Variants in MGAT5 observed in about 807,000 individuals in gnomAD.
MGAT5 encodes alpha-1,6-mannosylglycoprotein 6-beta-N-acetylglucosaminyltransferase A.
In MGAT5, 30 loss-of-function variants were observed where a neutral mutation model predicts 94.3. That is an observed-to-expected ratio of 0.32 (90% CI 0.24 to 0.43). The LOEUF is 0.43. Ranked by LOEUF, MGAT5 falls within the 20% of genes least tolerant of loss-of-function variation. The pLI, the probability that MGAT5 is intolerant of heterozygous loss-of-function variation, is 1.00. For missense variants in MGAT5, 691 were observed against 905.5 expected (o/e 0.76, Z 3.04); for synonymous variants, 310 against 322.9 (o/e 0.96, Z 0.43).
chr2:134,273,733 G>T (rs914848817), intron 2 of MGAT5, among the ~76,000 whole-genome samples: 6 of 152,106 alleles, frequency 3.9e-5, no homozygotes, highest in Non-Finnish European at 2.9e-5. Context: ...ATCACCGAGG[G>T]TTTTTTAATG....
At chr2:134,265,538 C>G (rs1319019343) in intron 1 of MGAT5, among the ~76,000 whole-genome samples, 2 of 152,154 alleles carry the variant, frequency 1.3e-5, no homozygotes, top group Non-Finnish European at 2.9e-5. Flanking sequence ...TGATAGAAAC[C>G]AAAGCCTGCT....
chr2:134,290,383 CCAGTTGCA>C (rs1378781668), intron 2 of MGAT5, among the ~76,000 whole-genome samples: 7 of 152,138 alleles, frequency 4.6e-5, no homozygotes, highest in Admixed American at 2.0e-4. Context: ...TAGGTTGAGG[CCAGTTGCA>C]CTTACTGTGC....
chr2:134,370,238 T>C (rs952725375), intron 10 of MGAT5, among the ~76,000 whole-genome samples: 11 of 152,246 alleles, frequency 7.2e-5, no homozygotes, highest in African/African-American at 2.7e-4. Flanking sequence ...AATTAAAGAA[T>C]GTACTGAAAC....
At chr2:134,273,167 A>G (rs1684143094) in intron 2 of MGAT5, among the ~76,000 whole-genome samples, 2 of 152,342 alleles carry the variant, frequency 1.3e-5, no homozygotes, top group South Asian at 2.1e-4. Flanking sequence ...AGTCAACTAC[A>G]TATTTTTAAA....
At chr2:134,385,722 G>T (rs1476889810) in intron 10 of MGAT5, among the ~76,000 whole-genome samples, 1 of 152,102 alleles carries the variant, frequency 6.6e-6, no homozygotes, top group African/African-American at 2.4e-5. Flanking sequence ...CATACATAGG[G>T]CATGACAATT....
At chr2:134,278,392 A>G (rs920669338) in intron 2 of MGAT5, among the ~76,000 whole-genome samples, 3 of 151,788 alleles carry the variant, frequency 2.0e-5, no homozygotes, top group African/African-American at 7.3e-5. Context: ...AGTTTTGGCA[A>G]CTCTCTAGAG....
At chr2:134,286,022 T>A (rs1455962530) in intron 2 of MGAT5, among the ~76,000 whole-genome samples, 1 of 152,214 alleles carries the variant, frequency 6.6e-6, no homozygotes, top group Non-Finnish European at 1.5e-5. Context: ...TTACTTCTTA[T>A]GTTTGCATTG....
chr2:134,447,594 T>C (rs1685863433), intron 15 of MGAT5, among the ~76,000 whole-genome samples: 1 of 152,186 alleles, frequency 6.6e-6, no homozygotes, highest in South Asian at 2.1e-4. Context: ...AACACCACTT[T>C]CTCTGATATC....
intron 10 of MGAT5, among the ~76,000 whole-genome samples, chr2:134,390,955 T>G (rs1448882478): frequency 3.2e-4 from 48 of 152,324 alleles, no homozygotes; most frequent in South Asian, 1.9e-3. Context: ...CTTTGTCTTG[T>G]TTCAGACCCT....
At chr2:134,398,367 C>T (rs1465844024) in intron 10 of MGAT5, among the ~76,000 whole-genome samples, 1 of 152,174 alleles carries the variant, frequency 6.6e-6, no homozygotes, top group Non-Finnish European at 1.5e-5. Flanking sequence ...GACAGCACTT[C>T]CCAGGGAGGA....
chr2:134,395,039 T>C lies in MGAT5; in HGVS notation c.1381-7949T>C, dbSNP rs112087002. Among the ~76,000 whole-genome samples the C allele has an allele frequency of 4.4e-4, 67 of 152,330 alleles. 1 individual carries two copies. Among genetic ancestry groups the C allele is most frequent in the African/African-American group, 1.5e-3 (63 of 41,574 alleles). On this transcript the variant is annotated intron_variant, in intron 10 of 15. Transcript: ENST00000281923. The stretch of plus-strand genomic sequence containing the variant: ...GAAAACAGAAAGCTCTTGGAGGAGT[T>C]TGCTGACACATTTGGGCTGTGGTGG...
intron 1 of MGAT5, among the ~76,000 whole-genome samples, chr2:134,219,690 C>T (rs2067679): frequency 0.036 from 5,409 of 152,248 alleles, 158 homozygotes; most frequent in Non-Finnish European, 0.053. Flanking sequence ...GACCTAACTA[C>T]TCAGTAAATG....
At chr2:134,302,784 T>G (rs893649566) in intron 2 of MGAT5, among the ~76,000 whole-genome samples, 2 of 150,020 alleles carry the variant, frequency 1.3e-5, no homozygotes, top group Non-Finnish European at 3.0e-5. Context: ...TCCAGCCTCC[T>G]TCTTCTGACG....
chr2:134,326,752 A>G (rs1015681494), intron 4 of MGAT5, among the ~76,000 whole-genome samples: 2 of 152,134 alleles, frequency 1.3e-5, no homozygotes, highest in Admixed American at 1.3e-4. Context: ...GAGAAATACT[A>G]AAGAGAGGGC....
chr2:134,216,355 T>C (rs1416838009), intron 1 of MGAT5, among the ~76,000 whole-genome samples: 2 of 152,208 alleles, frequency 1.3e-5, no homozygotes, highest in Non-Finnish European at 2.9e-5. Flanking sequence ...TTTTCAGGTT[T>C]TGAGTGGGAA....
At chr2:134,275,539 G>A (rs1684303780) in intron 2 of MGAT5, among the ~76,000 whole-genome samples, 1 of 150,422 alleles carries the variant, frequency 6.6e-6, no homozygotes, top group South Asian at 2.1e-4. Flanking sequence ...TCAATGTCAG[G>A]ACACATTTTG....
intron 1 of MGAT5, among the ~76,000 whole-genome samples, chr2:134,267,996 T>C (rs1049761636): frequency 5.9e-5 from 9 of 152,174 alleles, no homozygotes; most frequent in Non-Finnish European, 1.3e-4. Flanking sequence ...TCAGGGCAGT[T>C]TTGTCCCTCC....
chr2:134,304,931 T>C (rs1402153158), intron 2 of MGAT5, among the ~76,000 whole-genome samples: 1 of 152,158 alleles, frequency 6.6e-6, no homozygotes, highest in Non-Finnish European at 1.5e-5. Context: ...AGGCTTGGCA[T>C]GTATATTTTA....
rs1396944351 is a variant in MGAT5, at chr2:134,453,854, G to A, written c.*5007G>A. 1 of 152,232 alleles carries A rather than the reference G, an allele frequency of 6.6e-6. No individual in the cohort carries two copies. The highest frequency in any genetic ancestry group is 1.5e-5 in the Non-Finnish European group (1 of 68,072). The allele number at this position is 152,232 out of a possible 1,614,324, so 9.4% of individuals were successfully genotyped here. On this transcript the variant is annotated 3_prime_UTR_variant, in exon 16 of 16. Transcript: ENST00000281923. ...TCGGTTTGCTTTTTGTTTTGGGGGA[G>A]AGGATTTAGCCTCTTACTTCCCTGA...
Sources: gnomAD v4.1 joint callset for allele counts (sites outside exome capture counted in the v4.1 genomes callset) on GRCh38, gnomAD v4.1.1 for gene constraint, MANE v1.5 for transcripts, NCBI Gene and HGNC (gene_info 2026-07-23, HGNC 2026-07-21) for gene names.